Variants in NTRK2 observed in about 807,000 individuals in gnomAD.
The protein encoded by NTRK2 is BDNF/NT-3 growth factors receptor.
NTRK2 carries 13 observed loss-of-function variants against 94.5 expected under a neutral mutation model. That is an observed-to-expected ratio of 0.14 (90% CI 0.09 to 0.22). The LOEUF is 0.22. Ranked by LOEUF, NTRK2 falls within the 10% of genes least tolerant of loss-of-function variation. The pLI is 1.00. For missense variants in NTRK2, 639 were observed against 1,071.2 expected (o/e 0.60, Z 5.63); for synonymous variants, 372 against 407.4 (o/e 0.91, Z 1.05).
intron 12 of NTRK2, among the ~76,000 whole-genome samples, chr9:84,776,646 GAC>G (rs1032349663): frequency 1.3e-5 from 2 of 152,226 alleles, no homozygotes; most frequent in African/African-American, 2.4e-5. Context: ...TGGGGTCAGA[GAC>G]AGAGGACTCT....
rs564901679 is a variant in NTRK2, at chr9:84,791,735, G to T, written c.1396+39650G>T. On this transcript the variant is annotated intron_variant, in intron 12 of 18. Transcript: ENST00000277120. The stretch of plus-strand genomic sequence containing the variant: ...TTCTGATTGGATTTTATGGTCCTAT[G>T]TGGCAACACCCTAGAGATTAGAATC... 3.9e-5 allele frequency among the ~76,000 whole-genome samples: 6 copies of T among 152,330 alleles called. No homozygotes were observed. In the East Asian group the frequency reaches 1.2e-3, roughly 29 times the overall value.
rs78936193 is a variant in NTRK2 at position 84,670,779 on chromosome 9, G to A, written c.31G>A (p.Ala11Thr). The change falls in exon 2 of 19, where the codon GCC becomes ACC. Residue 11 changes from alanine (A) to threonine (T), a missense_variant. Physicochemically the swap from Ala to Thr is moderately conservative, Grantham distance 58 (BLOSUM62 0). Transcript: ENST00000277120. MSSWIRWHGP[A>T]MARLWGFCWL... ...GTCCTGGATAAGGTGGCATGGACCC[G>A]CCATGGCGCGGCTCTGGGGCTTCTG... The A allele has an allele frequency of 3.7e-6, 6 of 1,613,658 alleles. No individual in the cohort carries two copies. In the East Asian group the frequency reaches 6.7e-5, roughly 18 times the overall value.
At chr9:84,813,668 C>A in intron 12 of NTRK2, 1 of 1,066,170 alleles carries the variant, frequency 9.4e-7, no homozygotes, top group Non-Finnish European at 1.1e-6. Context: ...GCACCAATGT[C>A]TCCCCTCAAC....
intron 17 of NTRK2, among the ~76,000 whole-genome samples, chr9:84,987,027 G>GA (rs987523617): frequency 8.5e-5 from 13 of 152,076 alleles, no homozygotes; most frequent in African/African-American, 3.1e-4. Flanking sequence ...AGGGAGGGTA[G>GA]AAAATCACAC....
intron 12 of NTRK2, among the ~76,000 whole-genome samples, chr9:84,853,863 T>C (rs1351981985): frequency 6.6e-6 from 1 of 152,044 alleles, no homozygotes; most frequent in African/African-American, 2.4e-5. Context: ...GGGTGGATCA[T>C]GAGGTCAGGA....
chr9:84,741,662 T>G (rs1158393467), intron 9 of NTRK2, among the ~76,000 whole-genome samples: 1 of 152,246 alleles, frequency 6.6e-6, no homozygotes, highest in Non-Finnish European at 1.5e-5. Flanking sequence ...GATCTTTTTT[T>G]GTGATTTGTT....
At chr9:84,718,885 A>G (rs2061880746) in intron 6 of NTRK2, among the ~76,000 whole-genome samples, 1 of 152,220 alleles carries the variant, frequency 6.6e-6, no homozygotes, top group South Asian at 2.1e-4. Flanking sequence ...CCAGCATATT[A>G]ACGCTGTAGA....
At chr9:84,680,611 T>C (rs1170809726) in intron 2 of NTRK2, among the ~76,000 whole-genome samples, 1 of 152,186 alleles carries the variant, frequency 6.6e-6, no homozygotes, top group Non-Finnish European at 1.5e-5. Context: ...AAGATAAGAA[T>C]TGAAGCAGGT....
chr9:84,677,794 G>A (rs1423507679), intron 2 of NTRK2, among the ~76,000 whole-genome samples: 1 of 152,116 alleles, frequency 6.6e-6, no homozygotes, highest in Non-Finnish European at 1.5e-5. Context: ...AGGTGGGCTG[G>A]TGCTTCATCC....
chr9:84,812,012 C>A (rs986669554), intron 12 of NTRK2: 2 of 1,044,704 alleles, frequency 1.9e-6, no homozygotes, highest in Non-Finnish European at 2.3e-6. Flanking sequence ...GTTAGACATG[C>A]ACACAGACGC....
intron 17 of NTRK2, among the ~76,000 whole-genome samples, chr9:84,989,791 T>G (rs1828814879): frequency 6.6e-6 from 1 of 152,226 alleles, no homozygotes; most frequent in Non-Finnish European, 1.5e-5. Flanking sequence ...GTAGTCTTCT[T>G]TAAAAGTAAA....
intron 12 of NTRK2, among the ~76,000 whole-genome samples, chr9:84,837,480 C>G (rs536584038): frequency 6.6e-6 from 1 of 152,128 alleles, no homozygotes; most frequent in Non-Finnish European, 1.5e-5. Context: ...GAATTATTTA[C>G]AGATATATAT....
Position 84,730,783 on chromosome 9 carries a change from CAAAAAAAA to C in NTRK2, c.1159+2842_1159+2849del. On this transcript the variant is annotated intron_variant, in intron 9 of 18. Coordinates refer to ENST00000277120, the MANE Select transcript of NTRK2 (RefSeq NM_006180.6). ...AAACTAAAGAAAAATAAACAAATAG[CAAAAAAAA>C]AAAAAAAAAAAAAAAAATCCCTGCT... Among the ~76,000 whole-genome samples, 6 of 24,142 alleles carry C rather than the reference CAAAAAAAA, an allele frequency of 2.5e-4. No homozygotes were observed. The Admixed American group carries it at 2.8e-3, about 11-fold the overall frequency. The allele number at this position is 24,142 out of a possible 152,430, so 15.8% of individuals were successfully genotyped here.
At chr9:84,922,395 C>G (rs1256536963) in intron 14 of NTRK2, among the ~76,000 whole-genome samples, 1 of 152,216 alleles carries the variant, frequency 6.6e-6, no homozygotes, top group Non-Finnish European at 1.5e-5. Context: ...ATACCCTTAA[C>G]CCAGTATTTT....
intron 14 of NTRK2, chr9:84,872,425 A>G (rs1330708290): frequency 1.2e-5 from 13 of 1,075,986 alleles, no homozygotes; most frequent in Non-Finnish European, 1.5e-5. Flanking sequence ...TCCTCCCTAA[A>G]ATTCTGTCTT....
At chr9:84,739,171 C>T (rs1031616212) in intron 9 of NTRK2, among the ~76,000 whole-genome samples, 12 of 152,180 alleles carry the variant, frequency 7.9e-5, no homozygotes, top group African/African-American at 2.4e-4. Context: ...GTGCCTCAGC[C>T]TCCAGAATAG....
At chr9:84,741,866 A>G in intron 9 of NTRK2, 26 bp from the exon 10 acceptor site, 3 of 1,607,970 alleles carry the variant, frequency 1.9e-6, no homozygotes, top group Non-Finnish European at 2.6e-6. Flanking sequence ...CATACTTACA[A>G]ATCTTTGCTC....
At chr9:84,713,685 G>A (rs2061543457) in intron 6 of NTRK2, among the ~76,000 whole-genome samples, 1 of 152,022 alleles carries the variant, frequency 6.6e-6, no homozygotes, top group Non-Finnish European at 1.5e-5. Context: ...AAAATTATAG[G>A]CTCAAAAACT....
At chr9:84,768,438 G>A (rs941231233) in intron 12 of NTRK2, among the ~76,000 whole-genome samples, 1 of 152,118 alleles carries the variant, frequency 6.6e-6, no homozygotes, top group African/African-American at 2.4e-5. Flanking sequence ...TCCCTCCGCA[G>A]GGGTTTTTCT....
Sources: gnomAD v4.1 joint callset for allele counts (sites outside exome capture counted in the v4.1 genomes callset) on GRCh38, gnomAD v4.1.1 for gene constraint, MANE v1.5 for transcripts, NCBI Gene and HGNC (gene_info 2026-07-23, HGNC 2026-07-21) for gene names.